Variants in SLC43A3 observed in about 807,000 individuals in gnomAD.
SLC43A3 encodes the protein solute carrier family 43 member 3.
In SLC43A3, 33 loss-of-function variants were observed where a neutral mutation model predicts 53.3. The ratio of observed to expected loss-of-function variants is 0.62; its 90% CI spans 0.47 to 0.83. The LOEUF is 0.83. Among genes scored for constraint, SLC43A3 ranks in the 40% least tolerant of loss-of-function variants. The probability of loss-of-function intolerance (pLI) is 0.00; values close to 1 mark genes in which losing one functional copy is unlikely to be tolerated. For missense variants in SLC43A3, 530 were observed against 610.0 expected, an observed-to-expected ratio of 0.87 and a Z score of 1.38; for synonymous variants, 236 against 246.2, an observed-to-expected ratio of 0.96 and a Z score of 0.39.
chr11:57,410,351 C>T (rs371868005), intron 11 of SLC43A3, among the ~76,000 whole-genome samples: 1 of 152,162 alleles, frequency 6.6e-6, no homozygotes, highest in Non-Finnish European at 1.5e-5. Context: ...TTCTCTCCAA[C>T]CCCACTGACT....
At position 57,425,997 on chromosome 11, in the gene SLC43A3, C is replaced by T. The variant is rs1943188595; in HGVS notation, c.176G>A (p.Gly59Glu). 4.3e-6 allele frequency: 7 copies of T among 1,614,122 alleles called. No individual in the cohort carries two copies. Among genetic ancestry groups the T allele is most frequent in the Non-Finnish European group, 5.9e-6 (7 of 1,179,934 alleles). The change falls in exon 3 of 14, where the codon GGG becomes GAG. Residue 59 changes from glycine to glutamate, a missense_variant. By Grantham distance (98) the Gly-to-Glu change is moderately conservative (BLOSUM62 -2). This residue lies in a region of SLC43A3 where 376 missense variants were observed against 386.7 expected (regional missense o/e 0.97). Coordinates refer to ENST00000395124, the MANE Select transcript of SLC43A3 (RefSeq NM_199329.3). ...GTCATCCCTGCCCTTACCAGCCTGC[C>T]CTGTGGCATTGCCAATCGGCCCAGC... is the stretch of plus-strand genomic sequence containing the variant. The part of the protein sequence containing the change: ...PDAGPIGNAT[G>E]QADCKAQDER...
chr11:57,426,402 G>C, intron 2 of SLC43A3, 50 bp from the exon 3 acceptor site: 1 of 563,552 alleles, frequency 1.8e-6, no homozygotes, highest in East Asian at 2.8e-5. Context: ...GCGGGAAAGG[G>C]AAAGGTAGAC....
At chr11:57,421,144 C>A in intron 6 of SLC43A3, 80 bp from the exon 7 acceptor site, 1 of 1,254,964 alleles carries the variant, frequency 8.0e-7, no homozygotes, top group Non-Finnish European at 1.2e-6. Context: ...TGTGGCAGAC[C>A]CTCCTTATAC....
At chr11:57,423,921 C>T in intron 5 of SLC43A3, 61 bp downstream of exon 5, 1 of 1,511,474 alleles carries the variant, frequency 6.6e-7, no homozygotes, top group Non-Finnish European at 9.2e-7. Flanking sequence ...CTGCTCACAC[C>T]TGCCCCAGCC....
At chr11:57,414,535 G>C in intron 11 of SLC43A3, 80 bp downstream of exon 11, 3 of 565,020 alleles carry the variant, frequency 5.3e-6, no homozygotes, top group Non-Finnish European at 9.6e-6. Context: ...AAAAAAAAGA[G>C]CGAGAGAAGA....
rs375018912 is a variant in SLC43A3, at chr11:57,415,203, C to T, written c.770-97G>A. ...TTCAATGGAACATTTCAGATCCGGG[C>T]CCACCTTCTACCCTTGGCTCCCAGA... is the stretch of plus-strand genomic sequence containing the variant. On this transcript the variant is annotated intron_variant, in intron 9 of 13. Coordinates refer to ENST00000395124, the MANE Select transcript of SLC43A3 (RefSeq NM_199329.3). 5 of 1,562,096 alleles carry T rather than the reference C, an allele frequency of 3.2e-6. No homozygotes were observed. In the South Asian group the frequency reaches 3.5e-5, roughly 11 times the overall value.
intron 7 of SLC43A3, among the ~76,000 whole-genome samples, chr11:57,418,742 T>C (rs1306240939): frequency 1.3e-5 from 2 of 151,468 alleles, no homozygotes; most frequent in African/African-American, 4.9e-5. Flanking sequence ...ATACAAAAAT[T>C]AGTGGGGCAT....
At chr11:57,409,059 G>A in intron 13 of SLC43A3, 116 bp downstream of exon 13, 1 of 1,010,818 alleles carries the variant, frequency 9.9e-7, no homozygotes, top group Non-Finnish European at 1.5e-6. Context: ...GAATAACACA[G>A]ACCCTTTGGG....
intron 11 of SLC43A3, among the ~76,000 whole-genome samples, chr11:57,410,696 G>A (rs534174289): frequency 5.8e-4 from 89 of 152,186 alleles, no homozygotes; most frequent in African/African-American, 2.0e-3. Context: ...AAAAGAGAGG[G>A]AAATGTATTG....
At position 57,426,066 on chromosome 11, in the gene SLC43A3, A is replaced by G; in HGVS notation, c.107T>C (p.Val36Ala). The G allele has an allele frequency of 1.9e-6, 3 of 1,614,250 alleles. No homozygotes were observed. The highest frequency in any genetic ancestry group is 1.1e-5 in the South Asian group (1 of 91,088). The change falls in exon 3 of 14, where the codon GTC becomes GCC. Residue 36 changes from valine (V) to alanine (A), a missense_variant. Val to Ala is a moderately conservative substitution (Grantham distance 64, BLOSUM62 0). Coordinates refer to ENST00000395124, the MANE Select transcript of SLC43A3 (RefSeq NM_199329.3). The stretch of plus-strand genomic sequence containing the variant: ...CTTAAAGTAATCTTCATTCTTGAAG[A>G]CAAACACTAGTGAAGGCCAGCCAAA... ...VLFGWPSLVF[V>A]FKNEDYFKDL...
chr11:57,414,012 G>A (rs1035135803), intron 11 of SLC43A3, among the ~76,000 whole-genome samples: 1 of 152,094 alleles, frequency 6.6e-6, no homozygotes, highest in African/African-American at 2.4e-5. Flanking sequence ...GCCCCCCATG[G>A]CCCCCTGTGG....
intron 13 of SLC43A3, chr11:57,408,261 A>AT (rs1942291559): frequency 2.0e-5 from 4 of 200,480 alleles, no homozygotes; most frequent in Non-Finnish European, 3.1e-5. Context: ...TTCGCCTCAG[A>AT]TTTCAAGTTT....
Position 57,423,979 on chromosome 11 carries a change from C to T in SLC43A3, c.361+3G>A, listed in dbSNP as rs113953954. 1 of 1,614,146 alleles carries T rather than the reference C, an allele frequency of 6.2e-7. No individual in the cohort carries two copies. Among genetic ancestry groups the T allele is most frequent in the Admixed American group, 1.7e-5 (1 of 60,030 alleles). ...TCCCTCCCACCCACCTGACAGCACT[C>T]ACCTGCAGAGGTGAAGGCTATGATG... is the stretch of plus-strand genomic sequence containing the variant. On this transcript the variant is annotated splice_donor_region_variant and intron_variant, in intron 5 of 13. Transcript: ENST00000395124.
In SLC43A3 at chr11:57,416,675, G is replaced by A; in HGVS notation, c.672-5C>T. On this transcript the variant is annotated splice_region_variant and splice_polypyrimidine_tract_variant and intron_variant, in intron 8 of 13. Transcript: ENST00000395124. ...GTGCCATTCCCAGGGCACAGGCTAT[G>A]GAAACAAAAGCCCCACCAGCAAGGC... 3 of 1,612,482 alleles carry A rather than the reference G, an allele frequency of 1.9e-6. No homozygotes were observed. Among genetic ancestry groups the A allele is most frequent in the Non-Finnish European group, 2.5e-6 (3 of 1,178,674 alleles).
chr11:57,411,126 A>G (rs1942439688), intron 11 of SLC43A3, among the ~76,000 whole-genome samples: 1 of 152,226 alleles, frequency 6.6e-6, no homozygotes, highest in Non-Finnish European at 1.5e-5. Flanking sequence ...AAGAAGAGGA[A>G]AAGGGGTACA....
intron 11 of SLC43A3, 92 bp downstream of exon 11, chr11:57,414,506 CAAAAAAAAAAAAAAAAA>C (rs397849571): frequency 4.9e-5 from 14 of 288,428 alleles, no homozygotes; most frequent in East Asian, 4.1e-4. Flanking sequence ...GACTCTATCA[CAAAAAAAAAAAAAAAAA>C]AAAAAAAAAG....
rs1208697165 is a variant in SLC43A3, at chr11:57,426,569, G to C, written c.-181+19C>G. On this transcript the variant is annotated intron_variant, in intron 2 of 13. Transcript: ENST00000395124. Reference sequence around the variant, plus strand: ...GTCTTGATGGCCACCTGGAGTCACAGGTGAGATAAACGACTTACCCAATAG... The same window carrying C: ...GTCTTGATGGCCACCTGGAGTCACACGTGAGATAAACGACTTACCCAATAG... The C allele has an allele frequency of 5.9e-6, 1 of 170,864 alleles. No homozygotes were observed. The highest frequency in any genetic ancestry group is 1.6e-4 in the East Asian group (1 of 6,404). The allele number at this position is 170,864 out of a possible 1,614,324, so 10.6% of individuals were successfully genotyped here.
chr11:57,415,295 G>A (rs1261206899), intron 9 of SLC43A3, 189 bp from the exon 10 acceptor site: 21 of 1,528,826 alleles, frequency 1.4e-5, no homozygotes, highest in Non-Finnish European at 1.8e-5. Flanking sequence ...TTGTCATGCT[G>A]GCCCTACCAC....
At chr11:57,411,449 G>A (rs531287368) in intron 11 of SLC43A3, among the ~76,000 whole-genome samples, 1 of 119,536 alleles carries the variant, frequency 8.4e-6, no homozygotes, top group Admixed American at 1.0e-4. Flanking sequence ...CATCAGCCTG[G>A]GCAACAAAGA....
Sources: gnomAD v4.1 joint callset for allele counts (sites outside exome capture counted in the v4.1 genomes callset) on GRCh38, gnomAD v4.1.1 for gene constraint, gnomAD v4.1.1 regional missense constraint, MANE v1.5 for transcripts, NCBI Gene and HGNC (gene_info 2026-07-23, HGNC 2026-07-21) for gene names.